NRXN1: variants seen among roughly 807,000 people sequenced by gnomAD.
The protein encoded by NRXN1 is neurexin-1.
A neutral mutation model predicts 150.9 loss-of-function variants in NRXN1; 39 were observed. The ratio of observed to expected loss-of-function variants is 0.26; its 90% CI spans 0.20 to 0.34. The LOEUF (loss-of-function observed/expected upper bound fraction) is 0.34. Ranked by LOEUF, NRXN1 falls within the 10% of genes least tolerant of loss-of-function variation. The pLI, the probability that NRXN1 is intolerant of heterozygous loss-of-function variation, is 1.00. For missense variants in NRXN1, 1,815 were observed against 1,949.9 expected (o/e 0.93, Z 1.30); for synonymous variants, 924 against 757.0 (o/e 1.22, Z -3.62).
intron 21 of NRXN1, among the ~76,000 whole-genome samples, chr2:49,957,752 T>C (rs556725049): frequency 2.0e-5 from 3 of 152,224 alleles, no homozygotes; most frequent in Non-Finnish European, 2.9e-5. Flanking sequence ...AAACCCTAAA[T>C]TGGCATGGTC....
At chr2:50,790,868 C>T (rs900884238) in intron 5 of NRXN1, among the ~76,000 whole-genome samples, 7 of 152,204 alleles carry the variant, frequency 4.6e-5, no homozygotes, top group African/African-American at 1.7e-4. Context: ...TTGACCGCAA[C>T]TCATCACATT....
chr2:50,324,040 G>C lies in NRXN1; in HGVS notation c.3365-87070C>G, dbSNP rs145585603. Among the ~76,000 whole-genome samples, 410 of 152,302 alleles carry C rather than the reference G, an allele frequency of 2.7e-3. 2 individuals are homozygous for C. Among genetic ancestry groups the C allele is most frequent in the African/African-American group, 9.4e-3 (391 of 41,564 alleles). ...AAACATATAAAGCTGGCCCGAGGAC[G>C]GGAAGGCTTTGAATGTAAGACTAAG... On this transcript the variant is annotated intron_variant, in intron 17 of 22. Coordinates refer to ENST00000401669, the MANE Select transcript of NRXN1 (RefSeq NM_001330078.2).
At chr2:50,080,277 TTTA>T (rs1697753735) in intron 19 of NRXN1, among the ~76,000 whole-genome samples, 1 of 152,142 alleles carries the variant, frequency 6.6e-6, no homozygotes, top group African/African-American at 2.4e-5. Context: ...ATTGTTCTAT[TTTA>T]TTACTAGTTA....
chr2:50,986,627 A>C (rs1697754822), intron 2 of NRXN1, among the ~76,000 whole-genome samples: 1 of 151,726 alleles, frequency 6.6e-6, no homozygotes, highest in Admixed American at 6.6e-5. Context: ...CCTTCCACTC[A>C]TATATCGATT....
At chr2:49,993,722 G>T (rs1209729066) in intron 21 of NRXN1, among the ~76,000 whole-genome samples, 1 of 152,036 alleles carries the variant, frequency 6.6e-6, no homozygotes, top group African/African-American at 2.4e-5. Context: ...ATTGTCTTTT[G>T]AGAAATTAAA....
intron 5 of NRXN1, chr2:50,739,280 A>G (rs1317508276): frequency 4.0e-6 from 2 of 497,108 alleles, no homozygotes; most frequent in South Asian, 1.5e-5. Context: ...ATTAAAAAGT[A>G]TGTATTAATA....
At chr2:50,821,014 T>C (rs777162325) in intron 5 of NRXN1, among the ~76,000 whole-genome samples, 8 of 152,188 alleles carry the variant, frequency 5.3e-5, no homozygotes, top group African/African-American at 9.6e-5. Flanking sequence ...GATTTCCATA[T>C]ATGCATTCAC....
At chr2:50,677,082 C>G (rs1369545318) in intron 5 of NRXN1, among the ~76,000 whole-genome samples, 1 of 152,136 alleles carries the variant, frequency 6.6e-6, no homozygotes, top group African/African-American at 2.4e-5. Flanking sequence ...ACTATATAAG[C>G]CACAAAGGGG....
At chr2:50,110,144 A>G (rs1702184349) in intron 18 of NRXN1, among the ~76,000 whole-genome samples, 1 of 152,150 alleles carries the variant, frequency 6.6e-6, no homozygotes, top group South Asian at 2.1e-4. Flanking sequence ...CACAGGGAAA[A>G]GCAATAGCCA....
chr2:50,913,412 T>C (rs748198841), intron 5 of NRXN1, among the ~76,000 whole-genome samples: 12 of 151,758 alleles, frequency 7.9e-5, no homozygotes, highest in Non-Finnish European at 1.6e-4. Flanking sequence ...ACAGACTTTA[T>C]AATGCCAAGT....
intron 18 of NRXN1, among the ~76,000 whole-genome samples, chr2:50,139,171 C>T (rs1383769293): frequency 6.6e-6 from 1 of 151,858 alleles, no homozygotes; most frequent in Non-Finnish European, 1.5e-5. Flanking sequence ...ACTAAAAATA[C>T]AAAAATTAGC....
At chr2:50,469,156 A>G (rs566554110) in intron 16 of NRXN1, among the ~76,000 whole-genome samples, 2 of 151,730 alleles carry the variant, frequency 1.3e-5, no homozygotes, top group Admixed American at 6.6e-5. Flanking sequence ...TCTCAGATCT[A>G]TTGAATTAGA....
intron 17 of NRXN1, among the ~76,000 whole-genome samples, chr2:50,321,717 A>C (rs1236771091): frequency 6.6e-6 from 1 of 152,134 alleles, no homozygotes; most frequent in African/African-American, 2.4e-5. Flanking sequence ...GCAGTTATTA[A>C]CTTCACTTTT....
chr2:50,223,577 T>G (rs187935502), intron 18 of NRXN1, among the ~76,000 whole-genome samples: 6 of 152,082 alleles, frequency 3.9e-5, no homozygotes, highest in Admixed American at 2.6e-4. Context: ...ATTTCAACTC[T>G]ATTTCTCTGC....
intron 21 of NRXN1, among the ~76,000 whole-genome samples, chr2:50,020,076 G>A (rs1049081764): frequency 2.0e-5 from 3 of 150,990 alleles, no homozygotes; most frequent in African/African-American, 7.3e-5. Flanking sequence ...ATCTTAATAG[G>A]TGTATTTGTA....
chr2:50,608,737 C>A (rs1442385873), intron 8 of NRXN1, among the ~76,000 whole-genome samples: 1 of 152,094 alleles, frequency 6.6e-6, no homozygotes, highest in Non-Finnish European at 1.5e-5. Flanking sequence ...TTTACTCTTT[C>A]AAACAAACAT....
chr2:50,908,900 A>C (rs1485747376), intron 5 of NRXN1, among the ~76,000 whole-genome samples: 1 of 152,042 alleles, frequency 6.6e-6, no homozygotes, highest in Non-Finnish European at 1.5e-5. Context: ...TGATGCAGCA[A>C]GAAGGCCCTC....
At chr2:50,621,651 T>TA (rs1680042014) in intron 6 of NRXN1, among the ~76,000 whole-genome samples, 1 of 152,094 alleles carries the variant, frequency 6.6e-6, no homozygotes, top group African/African-American at 2.4e-5. Context: ...CCTATGCCCA[T>TA]ACTTGACCCC....
chr2:50,234,389 G>A (rs1231657888), intron 18 of NRXN1, among the ~76,000 whole-genome samples: 2 of 152,034 alleles, frequency 1.3e-5, no homozygotes, highest in African/African-American at 4.8e-5. Flanking sequence ...AGATATTTGG[G>A]AGGCTGAGGC....
Sources: gnomAD v4.1 joint callset for allele counts (sites outside exome capture counted in the v4.1 genomes callset) on GRCh38, gnomAD v4.1.1 for gene constraint, MANE v1.5 for transcripts, NCBI Gene and HGNC (gene_info 2026-07-23, HGNC 2026-07-21) for gene names.